Variants in DISP1 observed in about 807,000 individuals in gnomAD.
DISP1 encodes the protein protein dispatched homolog 1.
Under a neutral mutation model 37.3 loss-of-function variants are expected in DISP1, and 30 were observed. The ratio of observed to expected loss-of-function variants is 0.80; its 90% CI spans 0.60 to 1.09. DISP1 has a LOEUF of 1.09. DISP1 is among the 50% of genes least tolerant of loss of function. The probability of loss-of-function intolerance (pLI) is 0.00; values close to 1 mark genes in which losing one functional copy is unlikely to be tolerated. For synonymous variants in DISP1, 634 were observed against 690.2 expected (o/e 0.92, Z 1.28); for missense variants, 1,598 against 1,879.5 (o/e 0.85, Z 2.77).
intron 1 of DISP1, among the ~76,000 whole-genome samples, chr1:222,864,787 T>C (rs1669086126): frequency 6.6e-6 from 1 of 152,168 alleles, no homozygotes; most frequent in African/African-American, 2.4e-5. Flanking sequence ...AAAAAGAATT[T>C]TCACTTCACT....
chr1:222,866,323 TTTGTTGTTGTTGTTGTTG>T (rs34788109), intron 1 of DISP1, among the ~76,000 whole-genome samples: 1 of 149,662 alleles, frequency 6.7e-6, no homozygotes, highest in Non-Finnish European at 1.5e-5. Flanking sequence ...CCGGGATAGT[TTTGTTGTTGTTGTTGTTG>T]TTGTTGTTGT....
At chr1:222,928,209 G>T (rs1673190530) in intron 1 of DISP1, among the ~76,000 whole-genome samples, 1 of 152,178 alleles carries the variant, frequency 6.6e-6, no homozygotes, top group African/African-American at 2.4e-5. Context: ...CCCTGTGGAA[G>T]CAGGAAAAGG....
chr1:222,886,390 G>A (rs1404552513), intron 1 of DISP1, among the ~76,000 whole-genome samples: 2 of 152,186 alleles, frequency 1.3e-5, no homozygotes, highest in Non-Finnish European at 2.9e-5. Flanking sequence ...GTCATGAAAT[G>A]TTTATTGAGC....
intron 1 of DISP1, among the ~76,000 whole-genome samples, chr1:222,867,256 C>A (rs1044640423): frequency 6.6e-6 from 1 of 152,086 alleles, no homozygotes. Flanking sequence ...TAAAAGAAAT[C>A]ATTTTTATTG....
chr1:222,912,986 C>T (rs1014940557), intron 1 of DISP1, among the ~76,000 whole-genome samples: 22 of 152,262 alleles, frequency 1.4e-4, no homozygotes, highest in Admixed American at 1.4e-3. Flanking sequence ...TTTGTACTCT[C>T]AACCTGCATG....
At chr1:222,961,878 C>T (rs995030396) in intron 3 of DISP1, among the ~76,000 whole-genome samples, 6 of 151,896 alleles carry the variant, frequency 4.0e-5, no homozygotes, top group South Asian at 2.1e-4. Flanking sequence ...TGGTGGTGTG[C>T]GCTTGTAGTC....
At chr1:222,851,480 C>G (rs2125309906) in intron 1 of DISP1, among the ~76,000 whole-genome samples, 1 of 152,248 alleles carries the variant, frequency 6.6e-6, no homozygotes. Flanking sequence ...ACCCTTCCCT[C>G]CCAGCTGATT....
At chr1:222,936,677 A>ATCTCTC (rs1339823421) in intron 2 of DISP1, among the ~76,000 whole-genome samples, 3 of 106,838 alleles carry the variant, frequency 2.8e-5, no homozygotes, top group Non-Finnish European at 5.3e-5. Flanking sequence ...AGGTATATAT[A>ATCTCTC]ATATATAAAA....
intron 1 of DISP1, among the ~76,000 whole-genome samples, chr1:222,908,918 T>C (rs944812339): frequency 6.6e-6 from 1 of 152,004 alleles, no homozygotes; most frequent in Admixed American, 6.6e-5. Context: ...GTTTGTGATG[T>C]TGATGTACTA....
intron 1 of DISP1, among the ~76,000 whole-genome samples, chr1:222,908,818 T>C (rs1187110567): frequency 2.6e-5 from 4 of 152,090 alleles, no homozygotes; most frequent in Non-Finnish European, 5.9e-5. Flanking sequence ...CATTTTTTTC[T>C]GATCACTACA....
intron 3 of DISP1, among the ~76,000 whole-genome samples, chr1:222,967,758 CA>C (rs1469812122): frequency 1.3e-5 from 2 of 152,174 alleles, no homozygotes; most frequent in African/African-American, 2.4e-5. Context: ...TCTATATGCA[CA>C]AGGAAAGCAT....
intron 2 of DISP1, among the ~76,000 whole-genome samples, chr1:222,929,726 A>C (rs1199121041): frequency 1.3e-5 from 2 of 152,068 alleles, no homozygotes; most frequent in East Asian, 3.8e-4. Context: ...ACACATTTCT[A>C]CTTTCTAAAA....
intron 1 of DISP1, among the ~76,000 whole-genome samples, chr1:222,849,340 C>T (rs998238935): frequency 2.2e-4 from 33 of 152,106 alleles, no homozygotes; most frequent in African/African-American, 6.3e-4. Flanking sequence ...GCGCAAATAA[C>T]CATGTGAAAA....
intron 1 of DISP1, among the ~76,000 whole-genome samples, chr1:222,874,961 C>T (rs1421020183): frequency 6.6e-6 from 1 of 151,952 alleles, no homozygotes; most frequent in Non-Finnish European, 1.5e-5. Flanking sequence ...CTCTTAATAC[C>T]TACTATTATT....
intron 3 of DISP1, among the ~76,000 whole-genome samples, chr1:222,970,511 C>T (rs1462610094): frequency 6.6e-6 from 1 of 152,104 alleles, no homozygotes; most frequent in African/African-American, 2.4e-5. Flanking sequence ...ATTACAGGAA[C>T]CTGGCTCACT....
intron 1 of DISP1, chr1:222,827,291 T>C (rs1391605769): frequency 6.6e-6 from 1 of 152,236 alleles, no homozygotes; most frequent in Non-Finnish European, 1.5e-5. Flanking sequence ...GGTGGAATTC[T>C]GGAAACATCC....
At chr1:222,842,536 A>G (rs1288078504) in intron 1 of DISP1, among the ~76,000 whole-genome samples, 1 of 152,076 alleles carries the variant, frequency 6.6e-6, no homozygotes, top group Non-Finnish European at 1.5e-5. Flanking sequence ...ACAGCAATCA[A>G]TAGTGACAGC....
rs998792502 is a variant in DISP1, at chr1:222,887,623, C to T, written c.-158-40807C>T. Among the ~76,000 whole-genome samples, 3 of 137,958 alleles carry T rather than the reference C, an allele frequency of 2.2e-5. 1 individual carries two copies. The highest frequency in any genetic ancestry group is 7.0e-5 in the Admixed American group (1 of 14,268). The allele number at this position is 137,958 out of a possible 152,430, so 90.5% of individuals were successfully genotyped here. On this transcript the variant is annotated intron_variant, in intron 1 of 8. Coordinates refer to ENST00000675850, the MANE Select transcript of DISP1 (RefSeq NM_001377229.1). Reference sequence around the variant, plus strand: ...ACGCCATTCTCCTGCCTCAGCCTCCCGAGTAGCTGGGACTACAGGCGCCCG... The same window carrying T: ...ACGCCATTCTCCTGCCTCAGCCTCCTGAGTAGCTGGGACTACAGGCGCCCG...
In DISP1 at chr1:222,900,050, C is replaced by T. The variant is rs145451678; in HGVS notation, c.-158-28380C>T. Among the ~76,000 whole-genome samples the T allele has an allele frequency of 2.9e-3, 448 of 152,196 alleles. 3 individuals carry two copies. Among genetic ancestry groups the T allele is most frequent in the African/African-American group, 0.01 (435 of 41,532 alleles). ...AGTTTAATAAAAGGTTTAAGATATG[C>T]TGTGTAATTATGTAAGCTGGTAAGA... On this transcript the variant is annotated intron_variant, in intron 1 of 8. Transcript: ENST00000675850.
Sources: allele counts gnomAD v4.1 joint callset (sites outside exome capture counted in the v4.1 genomes callset), GRCh38; gene constraint gnomAD v4.1.1; transcripts MANE v1.5; gene names NCBI Gene and HGNC (gene_info 2026-07-23, HGNC 2026-07-21).